The following GRM5 variants were observed in gnomAD, a reference collection of about 807,000 sequenced individuals.
GRM5 encodes the protein glutamate metabotropic receptor 5.
Under a neutral mutation model 83.1 loss-of-function variants are expected in GRM5, and 19 were observed. The observed-to-expected ratio is 0.23, with a 90% confidence interval of 0.16 to 0.34. The LOEUF (loss-of-function observed/expected upper bound fraction) is 0.34, where lower values mean the gene tolerates loss of function less well. Ranked by LOEUF, GRM5 falls within the 10% of genes least tolerant of loss-of-function variation. The pLI is 1.00. For missense variants in GRM5, 1,160 were observed against 1,588.3 expected (o/e 0.73, Z 4.58); for synonymous variants, 675 against 633.6 (o/e 1.07, Z -0.98).
intron 8 of GRM5, among the ~76,000 whole-genome samples, chr11:88,564,295 C>T (rs1316845575): frequency 6.6e-6 from 1 of 152,232 alleles, no homozygotes; most frequent in African/African-American, 2.4e-5. Context: ...AACTACATGG[C>T]CCTGTAGGAA....
At chr11:88,977,566 C>T (rs960122866) in intron 2 of GRM5, among the ~76,000 whole-genome samples, 21 of 152,126 alleles carry the variant, frequency 1.4e-4, no homozygotes, top group African/African-American at 5.1e-4. Flanking sequence ...ATTTAAATTT[C>T]CAAAGTATTA....
Position 88,505,110 on chromosome 11 carries a change from T to C in GRM5, c.*3482A>G, listed in dbSNP as rs1941149011. 1 of 152,180 alleles carries C rather than the reference T, an allele frequency of 6.6e-6. No homozygotes were observed. The allele number at this position is 152,180 out of a possible 1,614,324, so 9.4% of individuals were successfully genotyped here. A position where few individuals can be genotyped will look rare whatever the true frequency, so the allele number is the denominator to read the frequency against. On this transcript the variant is annotated 3_prime_UTR_variant, in exon 10 of 10. Coordinates refer to ENST00000305447, the MANE Select transcript of GRM5 (RefSeq NM_001143831.3). The stretch of plus-strand genomic sequence containing the variant: ...ATTCTTCAATAGACAGTAGAGACTC[T>C]CCCAGGCCTCAGACCCTCTTCAAAG...
intron 2 of GRM5, among the ~76,000 whole-genome samples, chr11:88,976,354 A>T (rs1257423731): frequency 1.3e-5 from 2 of 152,154 alleles, no homozygotes; most frequent in South Asian, 2.1e-4. Flanking sequence ...CGGTCTCGTG[A>T]ATCTTGCGAA....
chr11:88,998,678 A>G (rs868461652), intron 2 of GRM5, among the ~76,000 whole-genome samples: 1 of 152,188 alleles, frequency 6.6e-6, no homozygotes. Context: ...GTCTAAATAG[A>G]TAATCCCAAG....
intron 8 of GRM5, among the ~76,000 whole-genome samples, chr11:88,551,697 C>T (rs998808534): frequency 1.3e-5 from 2 of 152,110 alleles, no homozygotes; most frequent in African/African-American, 4.8e-5. Flanking sequence ...AGCTTCTTTC[C>T]CTCTCCACAC....
At chr11:88,673,319 G>A (rs918049835) in intron 3 of GRM5, among the ~76,000 whole-genome samples, 1 of 151,858 alleles carries the variant, frequency 6.6e-6, no homozygotes, top group Admixed American at 6.6e-5. Context: ...ATTCTATGGA[G>A]TATGAGGAAG....
chr11:88,892,715 C>T (rs993803992), intron 2 of GRM5, among the ~76,000 whole-genome samples: 3 of 151,930 alleles, frequency 2.0e-5, no homozygotes, highest in African/African-American at 7.2e-5. Flanking sequence ...AGCTTTTTAC[C>T]TACATTTTAG....
intron 9 of GRM5, among the ~76,000 whole-genome samples, chr11:88,517,310 G>T (rs1466586901): frequency 2.6e-5 from 4 of 152,060 alleles, no homozygotes; most frequent in Non-Finnish European, 5.9e-5. Flanking sequence ...AATACTTAAG[G>T]TATAAACATC....
chr11:89,009,459 T>C (rs1940621336), intron 2 of GRM5, among the ~76,000 whole-genome samples: 2 of 152,174 alleles, frequency 1.3e-5, no homozygotes. Flanking sequence ...TACCCAAGAT[T>C]ATCAAGTTAA....
At chr11:89,059,325 G>T (rs963134758) in intron 1 of GRM5, among the ~76,000 whole-genome samples, 8 of 152,040 alleles carry the variant, frequency 5.3e-5, no homozygotes, top group Non-Finnish European at 1.2e-4. Flanking sequence ...TAGCAATTAC[G>T]TATTATTTTG....
intron 3 of GRM5, among the ~76,000 whole-genome samples, chr11:88,776,919 G>T (rs1411767355): frequency 6.6e-6 from 1 of 152,038 alleles, no homozygotes; most frequent in Non-Finnish European, 1.5e-5. Context: ...TATGTGTCTT[G>T]GGGTTGCTCT....
At chr11:89,059,282 C>A (rs1362349761) in intron 1 of GRM5, among the ~76,000 whole-genome samples, 1 of 152,094 alleles carries the variant, frequency 6.6e-6, no homozygotes, top group African/African-American at 2.4e-5. Flanking sequence ...TACACTTCTT[C>A]TACAGTCTGA....
intron 2 of GRM5, among the ~76,000 whole-genome samples, chr11:88,903,346 CA>C (rs1195727064): frequency 6.6e-6 from 1 of 152,108 alleles, no homozygotes; most frequent in African/African-American, 2.4e-5. Context: ...GGAGATTTCT[CA>C]AAGAACTAAA....
In GRM5 at chr11:88,508,303, G is replaced by T; in HGVS notation, c.*289C>A. 3.3e-6 allele frequency: 1 copy of T among 305,210 alleles called. No individual in the cohort carries two copies. Among genetic ancestry groups the T allele is most frequent in the Non-Finnish European group, 6.0e-6 (1 of 167,018 alleles). The allele number at this position is 305,210 out of a possible 1,614,324, so 18.9% of individuals were successfully genotyped here. On this transcript the variant is annotated 3_prime_UTR_variant, in exon 10 of 10. Coordinates refer to ENST00000305447, the MANE Select transcript of GRM5 (RefSeq NM_001143831.3). This position sits in a 1 kb window ranked among gnomAD's most constrained non-coding sequence, Gnocchi z 4.2. ...CTGCTTCCCTAGAGCAAAGCACTTG[G>T]TATGGAACTGTTTGAAGAGACGCCT...
intron 2 of GRM5, among the ~76,000 whole-genome samples, chr11:89,009,732 T>TA (rs577356560): frequency 0.044 from 6,429 of 145,708 alleles, 254 homozygotes; most frequent in African/African-American, 0.15. Flanking sequence ...CCGTCTCTAC[T>TA]AAAAAAAAAA....
Position 88,597,175 on chromosome 11 carries a change from C to T in GRM5, c.1563+9G>A. The T allele has an allele frequency of 2.0e-6, 3 of 1,505,074 alleles. No individual in the cohort carries two copies. Among genetic ancestry groups the T allele is most frequent in the East Asian group, 2.4e-5 (1 of 42,358 alleles). The allele number at this position is 1,505,074 out of a possible 1,614,324, so 93.2% of individuals were successfully genotyped here. A position where few individuals can be genotyped will look rare whatever the true frequency, so the allele number is the denominator to read the frequency against. ...AACAAAAATGAAAGAAACATAGATT[C>T]CATTTTACCTTGATCTGGCCTTTCT... On this transcript the variant is annotated intron_variant, in intron 6 of 9. Coordinates refer to ENST00000305447, the MANE Select transcript of GRM5 (RefSeq NM_001143831.3).
intron 3 of GRM5, among the ~76,000 whole-genome samples, chr11:88,828,584 G>A (rs187593451): frequency 5.9e-5 from 9 of 152,142 alleles, no homozygotes; most frequent in African/African-American, 2.2e-4. Context: ...CCCATAAAAA[G>A]TAAAGAAAAG....
intron 2 of GRM5, among the ~76,000 whole-genome samples, chr11:88,966,714 G>A (rs1200977324): frequency 6.6e-6 from 1 of 152,108 alleles, no homozygotes; most frequent in Non-Finnish European, 1.5e-5. Flanking sequence ...TCAAGTTCAT[G>A]GACTTCAATG....
At chr11:88,988,181 G>T (rs1295608819) in intron 2 of GRM5, among the ~76,000 whole-genome samples, 1 of 151,852 alleles carries the variant, frequency 6.6e-6, no homozygotes, top group Non-Finnish European at 1.5e-5. Context: ...TGATGGAGCT[G>T]AAAACCAAGG....
Sources: gnomAD v4.1 joint callset for allele counts (sites outside exome capture counted in the v4.1 genomes callset) on GRCh38, gnomAD v4.1.1 for gene constraint, Gnocchi (gnomAD v3.1) non-coding constraint, MANE v1.5 for transcripts, NCBI Gene and HGNC (gene_info 2026-07-23, HGNC 2026-07-21) for gene names.